NME9: variants seen among roughly 807,000 people sequenced by gnomAD.
The protein encoded by NME9 is thioredoxin domain-containing protein 6.
In NME9, 48 loss-of-function variants were observed where a neutral mutation model predicts 44.4. The observed-to-expected ratio is 1.08, with a 90% CI of 0.86 to 1.37. NME9 has a LOEUF of 1.37. Among genes scored for constraint, NME9 ranks in the 40% most tolerant of loss-of-function variants. The pLI, the probability that NME9 is intolerant of heterozygous loss-of-function variation, is 0.00. For synonymous variants in NME9, 139 were observed against 147.1 expected, an observed-to-expected ratio of 0.94 and a Z score of 0.40; for missense variants, 325 against 405.2, an observed-to-expected ratio of 0.80 and a Z score of 1.70.
intron 3 of NME9, among the ~76,000 whole-genome samples, chr3:138,318,743 A>C (rs574791512): frequency 6.6e-6 from 1 of 152,292 alleles, no homozygotes; most frequent in South Asian, 2.1e-4. Context: ...CATGCAGCAT[A>C]TCAACAGTGT....
At chr3:138,283,719 AG>A (rs2050146812) in intron 8 of NME9, among the ~76,000 whole-genome samples, 1 of 152,212 alleles carries the variant, frequency 6.6e-6, no homozygotes, top group African/African-American at 2.4e-5. Flanking sequence ...TGACAAGAAC[AG>A]TTTTTCCTTT....
At chr3:138,283,907 A>G (rs1021514560) in intron 8 of NME9, among the ~76,000 whole-genome samples, 1 of 152,160 alleles carries the variant, frequency 6.6e-6, no homozygotes, top group Non-Finnish European at 1.5e-5. Flanking sequence ...CTAAGTGCAC[A>G]TGGCTGGTGT....
chr3:138,298,055 G>A (rs1484004479), downstream of NME9: 1 of 152,158 alleles, frequency 6.6e-6, no homozygotes, highest in Non-Finnish European at 1.5e-5. Flanking sequence ...TTTGAATGAA[G>A]GGAAATGTAT....
chr3:138,321,387 GC>G (rs1275429677), intron 2 of NME9, among the ~76,000 whole-genome samples: 1 of 152,186 alleles, frequency 6.6e-6, no homozygotes, highest in South Asian at 2.1e-4. Context: ...GAAGTCAAGG[GC>G]AAAAGGAATA....
At chr3:138,268,319 A>C (rs1356389095) in intron 8 of NME9, among the ~76,000 whole-genome samples, 1 of 152,212 alleles carries the variant, frequency 6.6e-6, no homozygotes, top group African/African-American at 2.4e-5. Context: ...TGGAACAAAC[A>C]GGGCAAGACT....
intron 2 of NME9, chr3:138,324,152 A>G (rs992510650): frequency 2.4e-5 from 6 of 247,614 alleles, no homozygotes; most frequent in African/African-American, 4.4e-5. Flanking sequence ...CCAACAGCCA[A>G]TGAGGACTTA....
chr3:138,287,199 C>A (rs1227608130), intron 8 of NME9, among the ~76,000 whole-genome samples: 2 of 152,228 alleles, frequency 1.3e-5, no homozygotes, highest in Non-Finnish European at 2.9e-5. Flanking sequence ...GGCTTCCTCT[C>A]AACACAGAAT....
intron 8 of NME9, chr3:138,263,682 C>T (rs1433852388): frequency 7.4e-7 from 1 of 1,351,138 alleles, no homozygotes; most frequent in Non-Finnish European, 1.1e-6. Context: ...CATTTACAAG[C>T]AGTGAAGTTT....
chr3:138,285,772 C>T (rs2050349264), intron 8 of NME9, among the ~76,000 whole-genome samples: 2 of 152,118 alleles, frequency 1.3e-5, no homozygotes, highest in African/African-American at 2.4e-5. Flanking sequence ...GTGTCTGGCC[C>T]TTAGCATATG....
intron 8 of NME9, among the ~76,000 whole-genome samples, chr3:138,294,246 A>G (rs1302245309): frequency 6.6e-6 from 1 of 152,154 alleles, no homozygotes; most frequent in Non-Finnish European, 1.5e-5. Context: ...TGATCCTTTG[A>G]CTTTCAGATG....
intron 2 of NME9, among the ~76,000 whole-genome samples, chr3:138,322,549 G>T (rs1422338932): frequency 6.6e-6 from 1 of 151,692 alleles, no homozygotes; most frequent in East Asian, 1.9e-4. Context: ...GGTCTGAAGG[G>T]ACTTTGGCAT....
intron 8 of NME9, among the ~76,000 whole-genome samples, chr3:138,268,971 T>A (rs1220466066): frequency 6.6e-6 from 1 of 152,192 alleles, no homozygotes; most frequent in East Asian, 1.9e-4. Flanking sequence ...TATCCTTGTT[T>A]TTAGGAAATA....
chr3:138,308,181 C>A (rs1006252192), intron 6 of NME9, among the ~76,000 whole-genome samples: 1 of 152,182 alleles, frequency 6.6e-6, no homozygotes. Context: ...GAATCACAAT[C>A]ACTGATTTTC....
chr3:138,264,080 A>G, intron 8 of NME9: 1 of 1,534,410 alleles, frequency 6.5e-7, no homozygotes, highest in Non-Finnish European at 9.0e-7. Context: ...GTTTGTTTGA[A>G]AAGTAAAAGT....
chr3:138,281,862 CA>C (rs1410506229), intron 8 of NME9, among the ~76,000 whole-genome samples: 1 of 152,084 alleles, frequency 6.6e-6, no homozygotes, highest in Non-Finnish European at 1.5e-5. Flanking sequence ...AAGTGTTTAC[CA>C]TTTCTCTTCC....
At chr3:138,298,011 A>C (rs889599206), downstream of NME9, 5 of 152,272 alleles carry the variant, frequency 3.3e-5, no homozygotes, top group African/African-American at 1.2e-4. Flanking sequence ...AGATGGTCAA[A>C]TTAAAAATGC....
chr3:138,280,596 C>T (rs1387696159), intron 8 of NME9, among the ~76,000 whole-genome samples: 2 of 151,836 alleles, frequency 1.3e-5, no homozygotes, highest in African/African-American at 2.4e-5. Flanking sequence ...CGGGTTCACG[C>T]CATTCTCCTG....
intron 8 of NME9, chr3:138,264,030 A>G (rs912549490): frequency 1.3e-5 from 14 of 1,102,804 alleles, no homozygotes; most frequent in Non-Finnish European, 1.8e-5. Context: ...CAATGTAGAT[A>G]TGCTTGAAGT....
chr3:138,291,358 A>G (rs780639004), intron 8 of NME9, among the ~76,000 whole-genome samples: 4 of 152,196 alleles, frequency 2.6e-5, no homozygotes, highest in Non-Finnish European at 4.4e-5. Flanking sequence ...GTCCGCTTAC[A>G]GTAGCACACC....
Sources: allele counts gnomAD v4.1 joint callset (sites outside exome capture counted in the v4.1 genomes callset), GRCh38; gene constraint gnomAD v4.1.1; transcripts MANE v1.5; gene names NCBI Gene and HGNC (gene_info 2026-07-23, HGNC 2026-07-21).